DLC1: variants seen among roughly 807,000 people sequenced by gnomAD.
The protein encoded by DLC1 is DLC1 Rho GTPase activating protein, also known as rho GTPase-activating protein 7.
A neutral mutation model predicts 140.3 loss-of-function variants in DLC1; 54 were observed. The observed-to-expected ratio is 0.38, with a 90% CI of 0.31 to 0.48. The LOEUF (loss-of-function observed/expected upper bound fraction) is 0.48. DLC1 is among the 20% of genes least tolerant of loss of function. DLC1 has a pLI of 0.96. For missense variants in DLC1, 2,536 were observed against 1,907.0 expected (o/e 1.33, Z -6.14); for synonymous variants, 986 against 728.1 (o/e 1.35, Z -5.70).
At chr8:13,337,437 G>A (rs1006333028) in intron 4 of DLC1, among the ~76,000 whole-genome samples, 2 of 152,060 alleles carry the variant, frequency 1.3e-5, no homozygotes, top group Non-Finnish European at 2.9e-5. Flanking sequence ...TCATGTTGCA[G>A]AATGACAACA....
intron 2 of DLC1, among the ~76,000 whole-genome samples, chr8:13,493,530 A>T (rs1801360350): frequency 1.3e-5 from 2 of 152,340 alleles, no homozygotes; most frequent in African/African-American, 4.8e-5. Flanking sequence ...CCATCGTTCC[A>T]AACATTGATC....
intron 12 of DLC1, among the ~76,000 whole-genome samples, chr8:13,094,452 G>A (rs1818338062): frequency 6.6e-6 from 1 of 151,998 alleles, no homozygotes; most frequent in Admixed American, 6.6e-5. Context: ...GATCACTTGA[G>A]GTCAGGAGTT....
intron 4 of DLC1, among the ~76,000 whole-genome samples, chr8:13,357,600 A>G (rs1563281245): frequency 6.6e-6 from 1 of 152,188 alleles, no homozygotes; most frequent in Non-Finnish European, 1.5e-5. Context: ...CCCTTTGTTT[A>G]TGGTTTAGCA....
At chr8:13,110,152 C>A (rs944909466) in intron 7 of DLC1, among the ~76,000 whole-genome samples, 1 of 150,654 alleles carries the variant, frequency 6.6e-6, no homozygotes, top group African/African-American at 2.5e-5. Flanking sequence ...ATTACTTCCA[C>A]CTCACTAAAA....
At chr8:13,289,385 T>C (rs938763148) in intron 5 of DLC1, among the ~76,000 whole-genome samples, 1 of 151,812 alleles carries the variant, frequency 6.6e-6, no homozygotes, top group African/African-American at 2.4e-5. Flanking sequence ...AGAGTTGGAG[T>C]CTCTCTATTT....
chr8:13,407,789 C>T (rs1585055219), intron 2 of DLC1, among the ~76,000 whole-genome samples: 1 of 152,156 alleles, frequency 6.6e-6, no homozygotes, highest in African/African-American at 2.4e-5. Flanking sequence ...GCTAATACTC[C>T]TCACTCACCC....
At chr8:13,205,033 T>C (rs1267365037) in intron 5 of DLC1, among the ~76,000 whole-genome samples, 1 of 152,132 alleles carries the variant, frequency 6.6e-6, no homozygotes, top group Non-Finnish European at 1.5e-5. Context: ...CATGGCATTT[T>C]GCAATCCCAT....
intron 1 of DLC1, among the ~76,000 whole-genome samples, chr8:13,548,328 G>A (rs914247088): frequency 1.3e-5 from 2 of 151,738 alleles, no homozygotes; most frequent in East Asian, 1.9e-4. Context: ...AAACTTGACC[G>A]ATATTTATCT....
At chr8:13,432,263 G>C (rs1471105489) in intron 2 of DLC1, among the ~76,000 whole-genome samples, 1 of 152,102 alleles carries the variant, frequency 6.6e-6, no homozygotes, top group Admixed American at 6.5e-5. Flanking sequence ...GCATGTCCTT[G>C]ACTATGGAAA....
intron 2 of DLC1, among the ~76,000 whole-genome samples, chr8:13,431,598 T>C (rs1008921263): frequency 1.3e-5 from 2 of 151,484 alleles, no homozygotes; most frequent in African/African-American, 2.4e-5. Flanking sequence ...CAGGTAAGAT[T>C]TCTCAATGCC....
chr8:13,226,828 C>G (rs1049128442), intron 5 of DLC1, among the ~76,000 whole-genome samples: 3 of 152,128 alleles, frequency 2.0e-5, no homozygotes, highest in Admixed American at 2.0e-4. Flanking sequence ...TAGCTTTTGA[C>G]CTGAGGGAAG....
At chr8:13,304,706 T>A (rs17128717) in intron 5 of DLC1, 57,349 of 959,738 alleles carry the variant, frequency 0.06, 1,943 homozygotes, top group South Asian at 0.12. Context: ...TACCAATCCA[T>A]GTCTAATTTT....
At chr8:13,253,351 G>A (rs1050723123) in intron 5 of DLC1, among the ~76,000 whole-genome samples, 8 of 152,150 alleles carry the variant, frequency 5.3e-5, no homozygotes, top group Admixed American at 2.6e-4. Flanking sequence ...GTCATTGGAT[G>A]TCCTCGTTCA....
chr8:13,548,596 G>C (rs1254315209), intron 1 of DLC1, among the ~76,000 whole-genome samples: 1 of 152,028 alleles, frequency 6.6e-6, no homozygotes, highest in Non-Finnish European at 1.5e-5. Flanking sequence ...GTTAAGAGGT[G>C]GGACCTTTAA....
intron 5 of DLC1, among the ~76,000 whole-genome samples, chr8:13,131,312 T>C (rs531384960): frequency 3.8e-4 from 58 of 152,316 alleles, no homozygotes; most frequent in Non-Finnish European, 6.5e-4. Flanking sequence ...GACTATTATT[T>C]TCCCTCATCC....
intron 4 of DLC1, among the ~76,000 whole-genome samples, chr8:13,334,180 C>T (rs967400826): frequency 6.6e-6 from 1 of 152,006 alleles, no homozygotes; most frequent in Non-Finnish European, 1.5e-5. Context: ...CCATGAATAA[C>T]CAGGAGATAG....
chr8:13,276,160 T>C, intron 5 of DLC1: 1 of 1,443,096 alleles, frequency 6.9e-7, no homozygotes, highest in Non-Finnish European at 9.2e-7. Context: ...AACCAGCTGA[T>C]GAGATCATTC....
Position 13,099,891 on chromosome 8 carries a change from C to G in DLC1, c.2446G>C (p.Gly816Arg). 1 of 1,614,182 alleles carries G rather than the reference C, an allele frequency of 6.2e-7. No individual in the cohort carries two copies. Among genetic ancestry groups the G allele is most frequent in the Non-Finnish European group, 8.5e-7 (1 of 1,180,048 alleles). ...TTGGTGAGAGCTTTGGGGAAAGTGC[C>G]AGGCTTGTGATCTTCAGGGATGTAG... is the stretch of plus-strand genomic sequence containing the variant. ...VFYIPEDHKP[G>R]TFPKALTNGS... The change falls in exon 9 of 18, where the codon GGC becomes CGC. Residue 816 changes from glycine (G) to arginine (R), a missense_variant. Transcript: ENST00000276297.
chr8:13,138,755 A>C (rs1822751444), intron 5 of DLC1, among the ~76,000 whole-genome samples: 1 of 152,148 alleles, frequency 6.6e-6, no homozygotes, highest in East Asian at 1.9e-4. Context: ...CCCTACCCCC[A>C]CTCTCTACCC....
Sources: gnomAD v4.1 joint callset for allele counts (sites outside exome capture counted in the v4.1 genomes callset) on GRCh38, gnomAD v4.1.1 for gene constraint, MANE v1.5 for transcripts, NCBI Gene and HGNC (gene_info 2026-07-23, HGNC 2026-07-21) for gene names.